STEAP4: variants seen among roughly 807,000 people sequenced by gnomAD.
The protein encoded by STEAP4 is metalloreductase STEAP4.
In STEAP4, 36 loss-of-function variants were observed where a neutral mutation model predicts 43.6. That is an observed-to-expected ratio of 0.83 (90% CI 0.63 to 1.09). The LOEUF (loss-of-function observed/expected upper bound fraction) is 1.09, where lower values mean the gene tolerates loss of function less well. STEAP4 is among the 50% of genes least tolerant of loss of function. The pLI, the probability that STEAP4 is intolerant of heterozygous loss-of-function variation, is 0.00. For synonymous variants in STEAP4, 191 were observed against 196.7 expected (o/e 0.97, Z 0.24); for missense variants, 495 against 546.5 (o/e 0.91, Z 0.94).
At chr7:88,280,510 T>C (rs1338054641) in intron 4 of STEAP4, among the ~76,000 whole-genome samples, 1 of 152,216 alleles carries the variant, frequency 6.6e-6, no homozygotes, top group Non-Finnish European at 1.5e-5. Flanking sequence ...AAAACAATTT[T>C]CCCTCTTACA....
rs554426317 is a variant in STEAP4 at position 88,300,490 on chromosome 7, C to T, written c.-3+6302G>A. 1.3e-3 allele frequency among the ~76,000 whole-genome samples: 200 copies of T among 152,228 alleles called. 1 individual carries two copies. The highest frequency in any genetic ancestry group is 2.3e-3 in the South Asian group (11 of 4,818). On this transcript the variant is annotated intron_variant, in intron 1 of 4. Transcript: ENST00000380079. ...TCCACATCCCCTATGCCACTTTGCC[C>T]ACCTTTGGCCTCCCAAAGCGCTAGA... is the stretch of plus-strand genomic sequence containing the variant.
intron 4 of STEAP4, among the ~76,000 whole-genome samples, chr7:88,280,229 A>T (rs1324160275): frequency 6.6e-6 from 1 of 152,210 alleles, no homozygotes; most frequent in African/African-American, 2.4e-5. Context: ...ATTCTAACCT[A>T]ATTTTAAAGA....
intron 1 of STEAP4, among the ~76,000 whole-genome samples, chr7:88,286,677 C>G (rs951578436): frequency 5.3e-5 from 8 of 152,012 alleles, no homozygotes; most frequent in African/African-American, 1.7e-4. Context: ...CACCACTGCA[C>G]TCCAGCCTGG....
At chr7:88,290,373 G>A (rs1239218460) in intron 1 of STEAP4, 1 of 150,154 alleles carries the variant, frequency 6.7e-6, no homozygotes, top group African/African-American at 2.4e-5. Context: ...GTACCTACTT[G>A]AAAGATACTG....
At chr7:88,285,303 A>G (rs1020910798) in intron 1 of STEAP4, among the ~76,000 whole-genome samples, 1 of 152,180 alleles carries the variant, frequency 6.6e-6, no homozygotes, top group Non-Finnish European at 1.5e-5. Flanking sequence ...CAACATATGT[A>G]TGAAAAATAT....
At chr7:88,280,870 T>A (rs1161434383) in intron 4 of STEAP4, 45 bp downstream of exon 4, 1 of 1,489,616 alleles carries the variant, frequency 6.7e-7, no homozygotes, top group South Asian at 1.4e-5. Context: ...GCTAGGGAAG[T>A]GATGGAGCAA....
chr7:88,285,490 ATAAT>A (rs978506212), intron 1 of STEAP4, among the ~76,000 whole-genome samples: 1 of 152,070 alleles, frequency 6.6e-6, no homozygotes, highest in African/African-American at 2.4e-5. Flanking sequence ...TAAAGCTAAA[ATAAT>A]TAAATAATGT....
chr7:88,282,436 C>T (rs933338500), intron 3 of STEAP4: 16 of 593,376 alleles, frequency 2.7e-5, no homozygotes, highest in Middle Eastern at 8.9e-4. Context: ...AGTGAGCCAC[C>T]GCCCCCGGCA....
chr7:88,301,886 CTT>C (rs928704040), intron 1 of STEAP4, among the ~76,000 whole-genome samples: 2 of 152,140 alleles, frequency 1.3e-5, no homozygotes, highest in African/African-American at 4.8e-5. Context: ...CCATATCACT[CTT>C]TAAAACGAAT....
At chr7:88,282,078 T>A (rs2115954379) in intron 3 of STEAP4, 1 of 152,272 alleles carries the variant, frequency 6.6e-6, no homozygotes, top group South Asian at 2.1e-4. Flanking sequence ...AGTTTGCCAA[T>A]ATCTCTATGA....
chr7:88,302,857 G>A (rs1853059648), intron 1 of STEAP4, among the ~76,000 whole-genome samples: 1 of 151,132 alleles, frequency 6.6e-6, no homozygotes, highest in Non-Finnish European at 1.5e-5. Flanking sequence ...AGGAGGCTGA[G>A]GCAGGAGAAT....
At chr7:88,300,985 C>A (rs1354465710) in intron 1 of STEAP4, among the ~76,000 whole-genome samples, 2 of 152,154 alleles carry the variant, frequency 1.3e-5, no homozygotes, top group African/African-American at 4.8e-5. Flanking sequence ...AACCTGATAG[C>A]TTTAGACTCT....
chr7:88,288,451 T>C (rs1283838383), intron 1 of STEAP4, among the ~76,000 whole-genome samples: 4 of 152,222 alleles, frequency 2.6e-5, no homozygotes, highest in Non-Finnish European at 5.9e-5. Flanking sequence ...ATTACAGGCA[T>C]GAGCCACTGT....
intron 4 of STEAP4, among the ~76,000 whole-genome samples, chr7:88,279,934 AG>A (rs1852589464): frequency 6.6e-6 from 1 of 152,240 alleles, no homozygotes; most frequent in Non-Finnish European, 1.5e-5. Flanking sequence ...TGGTTCCCAA[AG>A]GTGAAACTCT....
In STEAP4 at chr7:88,280,915, C is replaced by T. The variant is rs1307054270; in HGVS notation, c.1149G>A (p.Gln383=). 6.3e-7 allele frequency: 1 copy of T among 1,595,034 alleles called. No individual in the cohort carries two copies. ...TTAGGAATGAACTTGAAGTTCTTAC[C>T]TGGACAAATCGGAACTCTCTCCAGT... ...AVNWREFRFV[Q]SKLGYLTLIL... is the part of the protein sequence containing the mutation. Residue 383 remains glutamine (Q), a splice_region_variant and synonymous_variant, in exon 4 of 5, where the codon CAG becomes CAA. Coordinates refer to ENST00000380079, the MANE Select transcript of STEAP4 (RefSeq NM_024636.4).
chr7:88,289,905 C>G (rs1480430862), intron 1 of STEAP4, among the ~76,000 whole-genome samples: 2 of 152,186 alleles, frequency 1.3e-5, no homozygotes, highest in Non-Finnish European at 2.9e-5. Flanking sequence ...CAGTTAACAC[C>G]TAGTTTTATA....
At chr7:88,283,660 G>A in intron 2 of STEAP4, 154 bp downstream of exon 2, 1 of 820,750 alleles carries the variant, frequency 1.2e-6, no homozygotes, top group Non-Finnish European at 1.9e-6. Flanking sequence ...CACCTTATTT[G>A]GTCAAGCTCA....
chr7:88,284,852 T>C (rs1008264622), intron 1 of STEAP4, among the ~76,000 whole-genome samples: 2 of 152,182 alleles, frequency 1.3e-5, no homozygotes, highest in African/African-American at 4.8e-5. Flanking sequence ...TCTTGATTCA[T>C]AGTGAAAGAG....
intron 1 of STEAP4, among the ~76,000 whole-genome samples, chr7:88,291,313 G>A (rs1382289120): frequency 1.3e-5 from 2 of 151,558 alleles, no homozygotes; most frequent in Non-Finnish European, 1.5e-5. Context: ...GTGACACCCC[G>A]CCTCTACTAA....
Sources: gnomAD v4.1 joint callset for allele counts (sites outside exome capture counted in the v4.1 genomes callset) on GRCh38, gnomAD v4.1.1 for gene constraint, MANE v1.5 for transcripts, NCBI Gene and HGNC (gene_info 2026-07-23, HGNC 2026-07-21) for gene names.